DHRSX: variants seen among roughly 807,000 people sequenced by gnomAD.
DHRSX encodes the protein polyprenol dehydrogenase.
DHRSX carries 31 observed loss-of-function variants against 34.0 expected under a neutral mutation model. The ratio of observed to expected loss-of-function variants is 0.91; its 90% CI spans 0.69 to 1.23. The LOEUF is 1.23. Among genes scored for constraint, DHRSX ranks in the 50% most tolerant of loss-of-function variants. The probability of loss-of-function intolerance (pLI) is 0.00; values close to 1 mark genes in which losing one functional copy is unlikely to be tolerated. For synonymous variants in DHRSX, 201 were observed against 183.8 expected (o/e 1.09, Z -0.76); for missense variants, 414 against 428.1 (o/e 0.97, Z 0.29).
intron 1 of DHRSX, among the ~76,000 whole-genome samples, chrX:2,472,328 G>A (rs1156838377): frequency 6.6e-6 from 1 of 152,100 alleles, no homozygotes; most frequent in African/African-American, 2.4e-5. Flanking sequence ...GCCTGCTGGA[G>A]GGTGGAGGGT....
At chrX:2,262,072 GC>G (rs1456751149) in intron 5 of DHRSX, among the ~76,000 whole-genome samples, 1 of 152,150 alleles carries the variant, frequency 6.6e-6, no homozygotes, top group Non-Finnish European at 1.5e-5. Context: ...CGTGTGTGGA[GC>G]CCCGAGTGGG....
At chrX:2,337,201 T>G (rs1286936130) in intron 3 of DHRSX, among the ~76,000 whole-genome samples, 1 of 152,134 alleles carries the variant, frequency 6.6e-6, no homozygotes, top group Admixed American at 6.6e-5. Context: ...GAATGTGAAC[T>G]GATTTGCGAA....
chrX:2,228,862 G>A (rs762397073), intron 6 of DHRSX, among the ~76,000 whole-genome samples: 1 of 152,208 alleles, frequency 6.6e-6, no homozygotes, highest in East Asian at 1.9e-4. Flanking sequence ...AGACATGCTG[G>A]GCTTTGCAGA....
chrX:2,258,069 C>T (rs893424870), intron 5 of DHRSX, among the ~76,000 whole-genome samples: 5 of 149,624 alleles, frequency 3.3e-5, no homozygotes, highest in Non-Finnish European at 6.0e-5. Context: ...GGACACAGGG[C>T]GATGATGACA....
At chrX:2,319,487 G>C (rs1251281420) in intron 3 of DHRSX, among the ~76,000 whole-genome samples, 2 of 145,480 alleles carry the variant, frequency 1.4e-5, no homozygotes, top group Non-Finnish European at 3.0e-5. Flanking sequence ...AGGTTGCAGT[G>C]AGCCGAGATC....
At chrX:2,294,199 G>A (rs2041902306) in intron 3 of DHRSX, among the ~76,000 whole-genome samples, 1 of 152,024 alleles carries the variant, frequency 6.6e-6, no homozygotes, top group South Asian at 2.1e-4. Context: ...GAAAGAGAGA[G>A]AGGGACGGGA....
rs954632067 is a variant in DHRSX, at chrX:2,467,081, A to C, written c.109+33736T>G. Reference sequence around the variant, plus strand: ...AGTCCATCTCAAAAAAAAAAAAAAAAACGCTACATGACTACATGTAACAGC... The same window carrying C: ...AGTCCATCTCAAAAAAAAAAAAAAACACGCTACATGACTACATGTAACAGC... On this transcript the variant is annotated intron_variant, in intron 1 of 6. Transcript: ENST00000334651. Among the ~76,000 whole-genome samples, 428 of 151,952 alleles carry C rather than the reference A, an allele frequency of 2.8e-3. 1 individual carries two copies. The highest frequency in any genetic ancestry group is 9.5e-3 in the African/African-American group (393 of 41,392).
chrX:2,409,946 G>T (rs2043605191), intron 2 of DHRSX, among the ~76,000 whole-genome samples: 1 of 152,084 alleles, frequency 6.6e-6, no homozygotes, highest in Non-Finnish European at 1.5e-5. Context: ...TGGCAAGGCT[G>T]GTCTTGAACT....
intron 4 of DHRSX, among the ~76,000 whole-genome samples, chrX:2,282,986 G>C (rs2041747709): frequency 1.3e-5 from 2 of 151,612 alleles, no homozygotes; most frequent in African/African-American, 2.4e-5. Flanking sequence ...GAGAGGAAAA[G>C]TGAGACAGTG....
chrX:2,429,288 T>C (rs1040654207), intron 1 of DHRSX, among the ~76,000 whole-genome samples: 3 of 152,128 alleles, frequency 2.0e-5, no homozygotes, highest in Non-Finnish European at 4.4e-5. Flanking sequence ...AGTATGCATA[T>C]ATACTGTGTA....
intron 2 of DHRSX, among the ~76,000 whole-genome samples, chrX:2,423,901 C>T (rs6567718): frequency 0.57 from 86,202 of 151,930 alleles, 25,481 homozygotes; most frequent in East Asian, 0.93. Flanking sequence ...GAAATCAAAC[C>T]GTGAGTGTCT....
intron 2 of DHRSX, among the ~76,000 whole-genome samples, chrX:2,422,281 G>C (rs1468250041): frequency 6.6e-6 from 1 of 152,012 alleles, no homozygotes; most frequent in Non-Finnish European, 1.5e-5. Context: ...GTCTTTTTTT[G>C]AGACAGAGTC....
At chrX:2,323,968 G>A in intron 3 of DHRSX, among the ~76,000 whole-genome samples, 1 of 149,850 alleles carries the variant, frequency 6.7e-6, no homozygotes, top group East Asian at 2.0e-4. Context: ...GAGATGTGAG[G>A]ATCACCTGAG....
At chrX:2,357,401 T>C (rs1386931314) in intron 3 of DHRSX, among the ~76,000 whole-genome samples, 1 of 151,964 alleles carries the variant, frequency 6.6e-6, no homozygotes, top group Non-Finnish European at 1.5e-5. Flanking sequence ...CATTATAAGA[T>C]GTATAGTAAG....
chrX:2,319,768 T>A (rs2042285907), intron 3 of DHRSX, among the ~76,000 whole-genome samples: 2 of 151,920 alleles, frequency 1.3e-5, no homozygotes, highest in South Asian at 4.2e-4. Flanking sequence ...AACCTATACA[T>A]AGATTTTCAA....
intron 1 of DHRSX, among the ~76,000 whole-genome samples, chrX:2,495,809 T>G (rs2045270172): frequency 6.6e-6 from 1 of 151,882 alleles, no homozygotes; most frequent in Non-Finnish European, 1.5e-5. Flanking sequence ...CCCAAAACGC[T>G]CTCAGGGGGC....
At chrX:2,495,172 C>T (rs2045250316) in intron 1 of DHRSX, among the ~76,000 whole-genome samples, 1 of 150,530 alleles carries the variant, frequency 6.6e-6, no homozygotes, top group South Asian at 2.1e-4. Context: ...AAAGAAGTCA[C>T]AGTACCCTGA....
At position 2,493,871 on chromosome X, in the gene DHRSX, C is replaced by G. The variant is rs181574599; in HGVS notation, c.109+6946G>C. 3.1e-3 allele frequency among the ~76,000 whole-genome samples: 474 copies of G among 152,164 alleles called. 1 individual carries two copies. Among genetic ancestry groups the G allele is most frequent in the Non-Finnish European group, 5.3e-3 (362 of 68,030 alleles). On this transcript the variant is annotated intron_variant, in intron 1 of 6. Coordinates refer to ENST00000334651, the MANE Select transcript of DHRSX (RefSeq NM_145177.3). ...CCTGTAGTCCCAGCTACTCGGGAGGCTGAGGCACGAGAATCGTTTGAACCC... is the reference window on the plus strand; with the variant it reads ...CCTGTAGTCCCAGCTACTCGGGAGGGTGAGGCACGAGAATCGTTTGAACCC...
chrX:2,316,895 G>A (rs1005951828), intron 3 of DHRSX, among the ~76,000 whole-genome samples: 5 of 152,166 alleles, frequency 3.3e-5, no homozygotes, highest in South Asian at 2.1e-4. Context: ...ATTTTGCCAC[G>A]GTTGAGAATG....
Sources: allele counts gnomAD v4.1 joint callset (sites outside exome capture counted in the v4.1 genomes callset), GRCh38; gene constraint gnomAD v4.1.1; transcripts MANE v1.5; gene names NCBI Gene and HGNC (gene_info 2026-07-23, HGNC 2026-07-21).